The following DNAH7 variants were observed in gnomAD, a reference collection of about 807,000 sequenced individuals.
DNAH7 encodes the protein dynein axonemal heavy chain 7.
A neutral mutation model predicts 444.6 loss-of-function variants in DNAH7; 397 were observed. That is an observed-to-expected ratio of 0.89 (90% CI 0.82 to 0.97). The LOEUF is 0.97. Ranked by LOEUF, DNAH7 falls within the 50% of genes least tolerant of loss-of-function variation. DNAH7 has a pLI of 0.00. For synonymous variants in DNAH7, 1,636 were observed against 1,624.4 expected (o/e 1.01, Z -0.17); for missense variants, 4,902 against 4,800.8 (o/e 1.02, Z -0.62).
intron 29 of DNAH7, among the ~76,000 whole-genome samples, chr2:195,897,354 G>A (rs1702379931): frequency 6.6e-6 from 1 of 152,092 alleles, no homozygotes. Context: ...GGGATTCAGT[G>A]GTGTGTTAGA....
In DNAH7 at chr2:195,895,040, G is replaced by T. The variant is rs765986032; in HGVS notation, c.4832C>A (p.Pro1611Gln). The T allele has an allele frequency of 6.2e-7, 1 of 1,613,046 alleles. No homozygotes were observed. ...ATATGCACTAGTTTTTCCTCCAAATGGTTCTCCAACAATCATAAAACCATG... is the reference window on the plus strand; with the variant it reads ...ATATGCACTAGTTTTTCCTCCAAATTGTTCTCCAACAATCATAAAACCATG... ...VRHGFMIVGE[P>Q]FGGKTSAYRV... is the part of the protein sequence containing the mutation. The change falls in exon 30 of 65, where the codon CCA (proline) becomes CAA (glutamine). Residue 1611 changes from proline (P) to glutamine (Q), a missense_variant. Pro to Gln is a moderately conservative substitution (Grantham distance 76, BLOSUM62 -1). Transcript: ENST00000312428.
At chr2:196,021,156 C>T (rs1401371971) in intron 8 of DNAH7, among the ~76,000 whole-genome samples, 3 of 151,852 alleles carry the variant, frequency 2.0e-5, no homozygotes, top group East Asian at 3.9e-4. Context: ...GCTTTTATGC[C>T]CCTACCATAT....
chr2:196,006,143 G>C (rs138954818), intron 10 of DNAH7, among the ~76,000 whole-genome samples: 307 of 152,118 alleles, frequency 2.0e-3, no homozygotes, highest in Non-Finnish European at 3.4e-3. Flanking sequence ...GTGAGACCTT[G>C]TCTCTACAAA....
chr2:195,787,102 C>T lies in DNAH7; in HGVS notation c.10786G>A (p.Gly3596Arg). 1 of 1,612,000 alleles carries T rather than the reference C, an allele frequency of 6.2e-7. No homozygotes were observed. Among genetic ancestry groups the T allele is most frequent in the Non-Finnish European group, 8.5e-7 (1 of 1,179,382 alleles). The stretch of plus-strand genomic sequence containing the variant: ...TAAGGAATATTCCACCCTAGGGGTC[C>T]AAATTTCCGTCTTTCTTGTACCAAA... ...HALVQERRKF[G>R]PLGWNIPYEF... The change falls in exon 58 of 65, where the codon GGA becomes AGA. Residue 3596 changes from glycine (G) to arginine (R), a missense_variant. Coordinates refer to ENST00000312428, the MANE Select transcript of DNAH7 (RefSeq NM_018897.3).
chr2:195,897,644 A>T lies in DNAH7; in HGVS notation c.4647+23T>A, dbSNP rs1392124938. The T allele has an allele frequency of 2.2e-6, 3 of 1,365,976 alleles. No individual in the cohort carries two copies. The African/African-American group carries it at 4.4e-5, about 20-fold the overall frequency. 84.6% of individuals were successfully genotyped at this position (1,365,976 alleles called of 1,614,324 possible). ...TACATTATTATAAGAGTTTTGATGCATTGGGATAATGAATGTTCTTACCTC... is the reference window on the plus strand; with the variant it reads ...TACATTATTATAAGAGTTTTGATGCTTTGGGATAATGAATGTTCTTACCTC... On this transcript the variant is annotated intron_variant, in intron 29 of 64. Coordinates refer to ENST00000312428, the MANE Select transcript of DNAH7 (RefSeq NM_018897.3).
In DNAH7 at chr2:195,936,678, G is replaced by GAA. The variant is rs752136250; in HGVS notation, c.3192_3193insTT (p.Arg1065PhefsTer33). On this transcript the variant is annotated frameshift_variant, in exon 20 of 65. Coordinates refer to ENST00000312428, the MANE Select transcript of DNAH7 (RefSeq NM_018897.3). LOFTEE classifies it high-confidence loss of function. The stretch of plus-strand genomic sequence containing the variant: ...AAAAAGAATCTGGGGAAAAAGAGGC[G>GAA]TTTCTTTTCCAAATATTCATTAAGT... 1.9e-6 allele frequency: 3 copies of GAA among 1,604,098 alleles called. 1 individual carries two copies. The Admixed American group carries it at 5.1e-5, about 27-fold the overall frequency.
intron 4 of DNAH7, 112 bp from the exon 5 acceptor site, chr2:196,047,611 T>A (rs1410101696): frequency 5.8e-5 from 54 of 931,206 alleles, no homozygotes; most frequent in Non-Finnish European, 7.8e-5. Context: ...AATTACATTA[T>A]CAAGTAATCC....
chr2:195,823,785 T>G (rs539586460), intron 49 of DNAH7, among the ~76,000 whole-genome samples: 1 of 152,188 alleles, frequency 6.6e-6, no homozygotes, highest in Admixed American at 6.5e-5. Flanking sequence ...TAAAAAACTT[T>G]AAGCTCAATT....
chr2:195,816,097 CAG>C (rs1697206423), intron 51 of DNAH7, among the ~76,000 whole-genome samples: 1 of 152,168 alleles, frequency 6.6e-6, no homozygotes, highest in African/African-American at 2.4e-5. Flanking sequence ...AGATTTAAGT[CAG>C]GTCTTAATTC....
chr2:196,005,646 C>T (rs1172179887), intron 10 of DNAH7, among the ~76,000 whole-genome samples: 1 of 151,786 alleles, frequency 6.6e-6, no homozygotes, highest in Non-Finnish European at 1.5e-5. Flanking sequence ...ACAAAAACTA[C>T]CAAATCTGAC....
intron 63 of DNAH7, 93 bp from the exon 64 acceptor site, chr2:195,740,962 G>C: frequency 5.2e-6 from 3 of 577,492 alleles, no homozygotes; most frequent in Non-Finnish European, 8.2e-6. Flanking sequence ...GTACTATGCA[G>C]GTGATACTAG....
intron 24 of DNAH7, among the ~76,000 whole-genome samples, chr2:195,910,788 C>T (rs1687312120): frequency 6.6e-6 from 1 of 152,146 alleles, no homozygotes; most frequent in Admixed American, 6.6e-5. Context: ...ACTAAAATCA[C>T]TCCAGCAACC....
chr2:196,033,345 A>C (rs1169007932), intron 5 of DNAH7, among the ~76,000 whole-genome samples: 1 of 152,210 alleles, frequency 6.6e-6, no homozygotes, highest in Non-Finnish European at 1.5e-5. Context: ...TTTGAAATGC[A>C]CAATACATTT....
At chr2:196,051,354 T>A in intron 2 of DNAH7, 105 bp from the exon 3 acceptor site, 1 of 834,842 alleles carries the variant, frequency 1.2e-6, no homozygotes, top group Non-Finnish European at 2.0e-6. Flanking sequence ...GTACATATTA[T>A]CCAACATATT....
chr2:195,839,479 C>T (rs1479456562), intron 47 of DNAH7, among the ~76,000 whole-genome samples: 1 of 151,378 alleles, frequency 6.6e-6, no homozygotes, highest in African/African-American at 2.4e-5. Flanking sequence ...GTAATTTATG[C>T]CTAAAGCAAA....
Position 195,858,545 on chromosome 2 carries a change from C to G in DNAH7, c.7996G>C (p.Asp2666His). 3 of 1,613,850 alleles carry G rather than the reference C, an allele frequency of 1.9e-6. No homozygotes were observed. Among genetic ancestry groups the G allele is most frequent in the Non-Finnish European group, 2.5e-6 (3 of 1,179,924 alleles). ...GGCAAGGCACCTGCCAGGTCAGCAT[C>G]GCACTCATCTTTGATGGCTTTGGAA... Reference protein sequence around the residue: ...MASKAIKDECDADLAGALPIL... With the variant: ...MASKAIKDECHADLAGALPIL... Residue 2666 changes from aspartate (D) to histidine (H), a missense_variant, in exon 43 of 65, where the codon GAT becomes CAT. Coordinates refer to ENST00000312428, the MANE Select transcript of DNAH7 (RefSeq NM_018897.3).
intron 5 of DNAH7, among the ~76,000 whole-genome samples, chr2:196,046,286 G>A (rs1697120330): frequency 6.6e-6 from 1 of 152,156 alleles, no homozygotes; most frequent in South Asian, 2.1e-4. Context: ...CCATAGGCCT[G>A]AGTGAAATGG....
At chr2:196,039,902 T>G (rs1002521868) in intron 5 of DNAH7, among the ~76,000 whole-genome samples, 1 of 151,630 alleles carries the variant, frequency 6.6e-6, no homozygotes, top group African/African-American at 2.4e-5. Context: ...ACTATTATGA[T>G]CAACAACTAC....
At position 195,936,612 on chromosome 2, in the gene DNAH7, T is replaced by C. The variant is rs764531929; in HGVS notation, c.3259A>G (p.Lys1087Glu). The C allele has an allele frequency of 6.3e-7, 1 of 1,586,308 alleles. No homozygotes were observed. Among genetic ancestry groups the C allele is most frequent in the Non-Finnish European group, 8.5e-7 (1 of 1,172,116 alleles). ...TAAATTACTTACCTAGTGGGATCTT[T>C]AGTCTCAGATAGTATCTCAAGAAGT... ...DELLEILSET[K>E]DPTRVQPHLK... Residue 1087 changes from lysine (K) to glutamate (E), a missense_variant, in exon 20 of 65, where the codon AAA (lysine) becomes GAA (glutamate). Coordinates refer to ENST00000312428, the MANE Select transcript of DNAH7 (RefSeq NM_018897.3).
Sources: allele counts gnomAD v4.1 joint callset (sites outside exome capture counted in the v4.1 genomes callset), GRCh38; gene constraint gnomAD v4.1.1; transcripts MANE v1.5; gene names NCBI Gene and HGNC (gene_info 2026-07-23, HGNC 2026-07-21).